PCDH15: variants seen among roughly 807,000 people sequenced by gnomAD.
The protein encoded by PCDH15 is protocadherin related 15, also known as protocadherin-15.
A neutral mutation model predicts 178.5 loss-of-function variants in PCDH15; 129 were observed. The ratio of observed to expected loss-of-function variants is 0.72; its 90% confidence interval spans 0.63 to 0.84. PCDH15 has a LOEUF of 0.84. PCDH15 is among the 40% of genes least tolerant of loss of function. PCDH15 has a pLI of 0.00. For synonymous variants in PCDH15, 800 were observed against 732.0 expected (o/e 1.09, Z -1.50); for missense variants, 2,230 against 2,099.9 (o/e 1.06, Z -1.21).
intron 1 of PCDH15, among the ~76,000 whole-genome samples, chr10:54,671,467 T>TGA (rs1041184118): frequency 1.3e-5 from 2 of 152,178 alleles, no homozygotes; most frequent in Non-Finnish European, 2.9e-5. Flanking sequence ...GGCTCTGGCA[T>TGA]GAGAGAGTCT....
chr10:54,327,170 TTA>T (rs1323270972), intron 7 of PCDH15, among the ~76,000 whole-genome samples: 3 of 127,774 alleles, frequency 2.3e-5, no homozygotes, highest in Admixed American at 8.4e-5. Flanking sequence ...TATTAAAAAA[TTA>T]TATCTTTTTA....
At chr10:54,430,789 T>C (rs1956875940) in intron 3 of PCDH15, among the ~76,000 whole-genome samples, 1 of 151,322 alleles carries the variant, frequency 6.6e-6, no homozygotes. Context: ...AAAATTCCAA[T>C]GAAGAAAACA....
intron 2 of PCDH15, among the ~76,000 whole-genome samples, chr10:55,415,850 G>T (rs942602502): frequency 6.6e-6 from 1 of 151,620 alleles, no homozygotes; most frequent in Non-Finnish European, 1.5e-5. Flanking sequence ...TTAATGAGTT[G>T]ACTGAAAAAT....
At chr10:55,520,907 C>T (rs1369666301) in intron 2 of PCDH15, among the ~76,000 whole-genome samples, 1 of 151,682 alleles carries the variant, frequency 6.6e-6, no homozygotes, top group East Asian at 1.9e-4. Flanking sequence ...CATATTATCA[C>T]CTTACATAAT....
intron 3 of PCDH15, among the ~76,000 whole-genome samples, chr10:54,888,096 T>C (rs1654985814): frequency 6.6e-6 from 1 of 152,158 alleles, no homozygotes; most frequent in South Asian, 2.1e-4. Flanking sequence ...AAGCTTAACG[T>C]ATGTAAACAT....
intron 2 of PCDH15, among the ~76,000 whole-genome samples, chr10:54,634,711 T>C (rs761121064): frequency 3.3e-5 from 5 of 152,166 alleles, no homozygotes; most frequent in Non-Finnish European, 7.4e-5. Context: ...TGCTTGCGCG[T>C]ATACACTATC....
At chr10:54,403,541 G>T (rs1051233096) in intron 3 of PCDH15, among the ~76,000 whole-genome samples, 1 of 151,942 alleles carries the variant, frequency 6.6e-6, no homozygotes, top group Non-Finnish European at 1.5e-5. Context: ...ACAGGACAAA[G>T]ATACCCCCTA....
At chr10:54,285,926 C>T (rs142481952) in intron 8 of PCDH15, among the ~76,000 whole-genome samples, 1 of 152,052 alleles carries the variant, frequency 6.6e-6, no homozygotes, top group Non-Finnish European at 1.5e-5. Context: ...CATAAAAGAA[C>T]CTGAAATGAA....
chr10:55,353,172 G>A (rs1844986427), intron 2 of PCDH15, among the ~76,000 whole-genome samples: 1 of 152,088 alleles, frequency 6.6e-6, no homozygotes, highest in Non-Finnish European at 1.5e-5. Flanking sequence ...TCCACAACCA[G>A]GAGAATGCAG....
intron 2 of PCDH15, among the ~76,000 whole-genome samples, chr10:54,913,852 TG>T (rs1954859414): frequency 6.6e-6 from 1 of 152,222 alleles, no homozygotes; most frequent in Non-Finnish European, 1.5e-5. Context: ...GGGTTTTGCA[TG>T]GGGCCTGTAG....
intron 2 of PCDH15, among the ~76,000 whole-genome samples, chr10:55,562,291 T>C (rs2132100374): frequency 6.6e-6 from 1 of 152,114 alleles, no homozygotes; most frequent in Non-Finnish European, 1.5e-5. Context: ...GAAATTGAAA[T>C]AAGATTAGCT....
At chr10:54,916,048 G>A (rs1450190994) in intron 2 of PCDH15, among the ~76,000 whole-genome samples, 2 of 151,612 alleles carry the variant, frequency 1.3e-5, no homozygotes, top group Admixed American at 6.6e-5. Flanking sequence ...GGCTGGTCTC[G>A]AACTCCTGAC....
At chr10:54,657,790 A>T (rs540304252) in intron 2 of PCDH15, among the ~76,000 whole-genome samples, 1 of 152,338 alleles carries the variant, frequency 6.6e-6, no homozygotes, top group South Asian at 2.1e-4. Context: ...TAGCAGTACA[A>T]AAAGGTAGTA....
intron 2 of PCDH15, among the ~76,000 whole-genome samples, chr10:55,523,990 C>A (rs1160162494): frequency 6.6e-6 from 1 of 151,474 alleles, no homozygotes; most frequent in Non-Finnish European, 1.5e-5. Context: ...GGCCAACATA[C>A]TCTCAATTAT....
chr10:55,439,274 G>A (rs1346474905), intron 2 of PCDH15, among the ~76,000 whole-genome samples: 1 of 152,122 alleles, frequency 6.6e-6, no homozygotes, highest in African/African-American at 2.4e-5. Context: ...AGCACACAGG[G>A]TATGACAGCA....
At chr10:54,590,734 A>G (rs1318226107) in intron 2 of PCDH15, among the ~76,000 whole-genome samples, 1 of 152,112 alleles carries the variant, frequency 6.6e-6, no homozygotes, top group Non-Finnish European at 1.5e-5. Context: ...TTGCCTACCT[A>G]AAGGGATTGT....
chr10:53,926,957 A>G (rs1177392687), intron 25 of PCDH15, among the ~76,000 whole-genome samples: 1 of 152,154 alleles, frequency 6.6e-6, no homozygotes, highest in Non-Finnish European at 1.5e-5. Flanking sequence ...CAAATATGTG[A>G]TATATATTTG....
intron 1 of PCDH15, among the ~76,000 whole-genome samples, chr10:54,699,382 T>A (rs1052032548): frequency 1.3e-5 from 2 of 152,138 alleles, no homozygotes; most frequent in Admixed American, 1.3e-4. Flanking sequence ...CTAGATGTCA[T>A]GTAAACTGAA....
At chr10:54,682,854 C>T (rs1416247401) in intron 1 of PCDH15, among the ~76,000 whole-genome samples, 2 of 152,052 alleles carry the variant, frequency 1.3e-5, no homozygotes, top group Non-Finnish European at 2.9e-5. Flanking sequence ...CATAAGAAAA[C>T]AGAAGCCCAG....
Sources: gnomAD v4.1 joint callset for allele counts (sites outside exome capture counted in the v4.1 genomes callset) on GRCh38, gnomAD v4.1.1 for gene constraint, MANE v1.5 for transcripts, NCBI Gene and HGNC (gene_info 2026-07-23, HGNC 2026-07-21) for gene names.